ARHGAP10: variants seen among roughly 807,000 people sequenced by gnomAD.
The protein encoded by ARHGAP10 is Rho GTPase activating protein 10.
ARHGAP10 carries 87 observed loss-of-function variants against 108.6 expected under a neutral mutation model. The ratio of observed to expected loss-of-function variants is 0.80; its 90% CI spans 0.67 to 0.96. The LOEUF (loss-of-function observed/expected upper bound fraction) is 0.96, where lower values mean the gene tolerates loss of function less well. ARHGAP10 is among the 40% of genes least tolerant of loss of function. The pLI is 0.00. For synonymous variants in ARHGAP10, 347 were observed against 341.1 expected, an observed-to-expected ratio of 1.02 and a Z score of -0.19; for missense variants, 939 against 954.5, an observed-to-expected ratio of 0.98 and a Z score of 0.21.
intron 18 of ARHGAP10, among the ~76,000 whole-genome samples, chr4:148,019,725 A>G (rs1578796865): frequency 6.6e-6 from 1 of 151,694 alleles, no homozygotes; most frequent in Non-Finnish European, 1.5e-5. Flanking sequence ...AGATCGCGCC[A>G]TTGCACTCCA....
chr4:147,807,372 A>T (rs1274951639), intron 1 of ARHGAP10, among the ~76,000 whole-genome samples: 1 of 152,250 alleles, frequency 6.6e-6, no homozygotes, highest in Non-Finnish European at 1.5e-5. Context: ...AAAAAGTATG[A>T]CATGAAACTA....
intron 13 of ARHGAP10, among the ~76,000 whole-genome samples, chr4:147,932,327 T>G (rs908804912): frequency 1.3e-5 from 2 of 152,182 alleles, no homozygotes; most frequent in South Asian, 4.1e-4. Flanking sequence ...GGAATGTAAA[T>G]TGTTTTATTA....
chr4:148,010,890 A>G (rs1237866978), intron 18 of ARHGAP10, among the ~76,000 whole-genome samples: 1 of 152,242 alleles, frequency 6.6e-6, no homozygotes, highest in African/African-American at 2.4e-5. Context: ...GACATTTTTA[A>G]TAGAAAAATT....
At chr4:148,036,495 C>G (rs1023969629) in intron 19 of ARHGAP10, among the ~76,000 whole-genome samples, 1 of 152,188 alleles carries the variant, frequency 6.6e-6, no homozygotes, top group Non-Finnish European at 1.5e-5. Context: ...CTCACGAGAT[C>G]TGATGGTTTT....
Position 148,072,234 on chromosome 4 carries a change from T to TG in ARHGAP10, c.*155dup. 2.8e-6 allele frequency: 1 copy of TG among 361,108 alleles called. No homozygotes were observed. The allele number at this position is 361,108 out of a possible 1,614,324, so 22.4% of individuals were successfully genotyped here. A position where few individuals can be genotyped will look rare whatever the true frequency, so the allele number is the denominator to read the frequency against. ...CACAGTCAGCCCTGGGGGTGGGGGG[T>TG]GGTGGGCAGGGATGGGACGCACCAC... On this transcript the variant is annotated 3_prime_UTR_variant, in exon 23 of 23. Transcript: ENST00000336498.
At chr4:147,807,256 A>G (rs964942424) in intron 1 of ARHGAP10, among the ~76,000 whole-genome samples, 19 of 152,146 alleles carry the variant, frequency 1.2e-4, no homozygotes, top group African/African-American at 4.1e-4. Context: ...AATGATTTTT[A>G]TATGAAATAT....
At chr4:147,895,407 G>A (rs780693412) in intron 10 of ARHGAP10, among the ~76,000 whole-genome samples, 2 of 148,832 alleles carry the variant, frequency 1.3e-5, no homozygotes, top group Non-Finnish European at 3.0e-5. Flanking sequence ...CATGGTGGTT[G>A]ACACCTGTAA....
intron 3 of ARHGAP10, among the ~76,000 whole-genome samples, chr4:147,838,545 CT>C (rs34467040): frequency 0.7 from 106,661 of 151,812 alleles, 42,349 homozygotes; most frequent in Non-Finnish European, 0.88. Context: ...TCTCTTCCTC[CT>C]CTTCTTCTTC....
intron 1 of ARHGAP10, among the ~76,000 whole-genome samples, chr4:147,755,401 G>A (rs1364222864): frequency 5.3e-5 from 8 of 151,692 alleles, no homozygotes; most frequent in Non-Finnish European, 1.2e-4. Flanking sequence ...AAACAGGAAG[G>A]GACCCTAGCT....
intron 1 of ARHGAP10, among the ~76,000 whole-genome samples, chr4:147,741,800 A>ACGCACACACACACACACACG (rs139305144): frequency 1.4e-5 from 2 of 138,976 alleles, no homozygotes; most frequent in African/African-American, 3.0e-5. Context: ...ACGCACACAC[A>ACGCACACACACACACACACG]CACACACACA....
intron 1 of ARHGAP10, among the ~76,000 whole-genome samples, chr4:147,764,547 T>G (rs1021965299): frequency 1.3e-5 from 2 of 152,154 alleles, no homozygotes; most frequent in Non-Finnish European, 2.9e-5. Flanking sequence ...ATTTTTTTAT[T>G]TTTTGAGATA....
intron 1 of ARHGAP10, among the ~76,000 whole-genome samples, chr4:147,787,887 A>C (rs1186605069): frequency 6.6e-6 from 1 of 152,162 alleles, no homozygotes; most frequent in Non-Finnish European, 1.5e-5. Flanking sequence ...TGAGGGTTAG[A>C]GGGTCTGTGA....
At chr4:147,886,239 A>C (rs1014039849) in intron 10 of ARHGAP10, among the ~76,000 whole-genome samples, 1 of 152,174 alleles carries the variant, frequency 6.6e-6, no homozygotes, top group Non-Finnish European at 1.5e-5. Flanking sequence ...TGCATTGCCA[A>C]TTCTGCTCTT....
At chr4:147,884,942 T>G (rs1318988516) in intron 10 of ARHGAP10, among the ~76,000 whole-genome samples, 2 of 152,150 alleles carry the variant, frequency 1.3e-5, no homozygotes, top group Admixed American at 6.6e-5. Flanking sequence ...AAGAAAGATT[T>G]GGAGGTAGCA....
chr4:148,026,161 G>A (rs1184081229), intron 19 of ARHGAP10, among the ~76,000 whole-genome samples: 1 of 152,106 alleles, frequency 6.6e-6, no homozygotes, highest in African/African-American at 2.4e-5. Flanking sequence ...AGTGGTTTGT[G>A]GTATGTTATT....
At chr4:147,890,131 G>A (rs1735739660) in intron 10 of ARHGAP10, among the ~76,000 whole-genome samples, 1 of 152,178 alleles carries the variant, frequency 6.6e-6, no homozygotes, top group South Asian at 2.1e-4. Flanking sequence ...GAGTTATGTG[G>A]TTATACCTAG....
chr4:147,877,225 T>G (rs1361194381), intron 8 of ARHGAP10, among the ~76,000 whole-genome samples: 1 of 146,372 alleles, frequency 6.8e-6, no homozygotes, highest in Non-Finnish European at 1.5e-5. Context: ...CTCTGGGCAG[T>G]TTTTTTTTTC....
intron 4 of ARHGAP10, among the ~76,000 whole-genome samples, chr4:147,852,608 A>G (rs987085398): frequency 1.2e-4 from 18 of 152,158 alleles, no homozygotes; most frequent in African/African-American, 4.3e-4. Context: ...ACTGAATTGA[A>G]GCAAAGCAAC....
chr4:147,771,320 ACTTTTT>A (rs1730070044), intron 1 of ARHGAP10, among the ~76,000 whole-genome samples: 1 of 152,126 alleles, frequency 6.6e-6, no homozygotes, highest in African/African-American at 2.4e-5. Context: ...GGTTTATTTT[ACTTTTT>A]AATTTTTGTG....
Sources: allele counts gnomAD v4.1 joint callset (sites outside exome capture counted in the v4.1 genomes callset), GRCh38; gene constraint gnomAD v4.1.1; transcripts MANE v1.5; gene names NCBI Gene and HGNC (gene_info 2026-07-23, HGNC 2026-07-21).